The following VPS13A variants were observed in gnomAD, a reference collection of about 807,000 sequenced individuals.
VPS13A encodes the protein vacuolar protein sorting 13 homolog A.
A neutral mutation model predicts 390.9 loss-of-function variants in VPS13A; 264 were observed. The ratio of observed to expected loss-of-function variants is 0.68; its 90% CI spans 0.61 to 0.75. The LOEUF (loss-of-function observed/expected upper bound fraction) is 0.75, where lower values mean the gene tolerates loss of function less well. Among genes scored for constraint, VPS13A ranks in the 30% least tolerant of loss-of-function variants. VPS13A has a pLI of 0.00. For synonymous variants in VPS13A, 1,231 were observed against 1,227.1 expected (o/e 1.00, Z -0.07); for missense variants, 3,409 against 3,733.9 (o/e 0.91, Z 2.27).
At chr9:77,228,368 A>G (rs1823642211) in intron 17 of VPS13A, 104 bp downstream of exon 17, 2 of 1,145,882 alleles carry the variant, frequency 1.7e-6, no homozygotes, top group South Asian at 3.5e-5. Flanking sequence ...CTATAGTTTC[A>G]TATATCCTTT....
At chr9:77,353,292 C>T in intron 53 of VPS13A, 117 bp from the exon 54 acceptor site, 3 of 730,804 alleles carry the variant, frequency 4.1e-6, no homozygotes, top group Non-Finnish European at 4.6e-6. Flanking sequence ...CCACTAACCC[C>T]ATGAAGTAGG....
At chr9:77,339,086 A>G (rs576672243) in intron 47 of VPS13A, 1 of 202,796 alleles carries the variant, frequency 4.9e-6, no homozygotes, top group Admixed American at 5.4e-5. Context: ...GGGATTGTGG[A>G]GGTAGTAGGG....
chr9:77,315,861 C>T (rs764374168), intron 38 of VPS13A, among the ~76,000 whole-genome samples: 9 of 151,926 alleles, frequency 5.9e-5, no homozygotes, highest in Non-Finnish European at 8.8e-5. Context: ...TAGCTTTTAA[C>T]GTACGGTTTC....
At position 77,356,981 on chromosome 9, in the gene VPS13A, T is replaced by TCATA. The variant is rs1204005183; in HGVS notation, c.7806+120_7806+123dup. On this transcript the variant is annotated intron_variant, in intron 55 of 71. Transcript: ENST00000360280. The stretch of plus-strand genomic sequence containing the variant: ...TTCCTTATAAAACAAAATAATCCTG[T>TCATA]CATACATACCTTGTATAAAATGTTT... 4 of 1,134,998 alleles carry TCATA rather than the reference T, an allele frequency of 3.5e-6. No individual in the cohort carries two copies. In the Admixed American group the frequency reaches 8.1e-5, roughly 23 times the overall value. The allele number at this position is 1,134,998 out of a possible 1,614,324, so 70.3% of individuals were successfully genotyped here.
intron 58 of VPS13A, among the ~76,000 whole-genome samples, chr9:77,359,628 G>T (rs1314899380): frequency 6.6e-6 from 1 of 151,978 alleles, no homozygotes; most frequent in Non-Finnish European, 1.5e-5. Context: ...GACCAACCTG[G>T]CCAACACGGT....
At position 77,339,929 on chromosome 9, in the gene VPS13A, T is replaced by G. The variant is rs759430080; in HGVS notation, c.6774+18T>G. ...ACAATAAGGTATGCGATGTTTATTC[T>G]GTTTTTCCCTTGTCTTTAGCTACTT... On this transcript the variant is annotated intron_variant, in intron 48 of 71. Transcript: ENST00000360280. 1.2e-6 allele frequency: 2 copies of G among 1,605,642 alleles called. No homozygotes were observed. The highest frequency in any genetic ancestry group is 1.7e-6 in the Non-Finnish European group (2 of 1,179,346).
rs913479051 is a variant in VPS13A, at chr9:77,205,852, A to G, written c.284-126A>G. On this transcript the variant is annotated intron_variant, in intron 4 of 71. Coordinates refer to ENST00000360280, the MANE Select transcript of VPS13A (RefSeq NM_033305.3). ...TGATTCGCCCAGCTTGGCCTCCCAA[A>G]GTGCTGGGATTACAGGCATGAGCCA... 30 of 650,536 alleles carry G rather than the reference A, an allele frequency of 4.6e-5. No individual in the cohort carries two copies. The Admixed American group carries it at 8.7e-4, about 19-fold the overall frequency. The allele number at this position is 650,536 out of a possible 1,614,324, so 40.3% of individuals were successfully genotyped here.
chr9:77,240,478 G>GTTTTTTTTTTTTTTTTTTTT (rs11351060), intron 19 of VPS13A, among the ~76,000 whole-genome samples: 1 of 126,068 alleles, frequency 7.9e-6, no homozygotes, highest in Non-Finnish European at 1.6e-5. Context: ...TTATGTTTTT[G>GTTTTTTTTTTTTTTTTTTTT]TTTTTTTTTT....
At chr9:77,376,846 A>C (rs929734336) in intron 67 of VPS13A, among the ~76,000 whole-genome samples, 1 of 152,190 alleles carries the variant, frequency 6.6e-6, no homozygotes, top group Non-Finnish European at 1.5e-5. Context: ...AAAGAGAAAA[A>C]TAAGGTCCAA....
At chr9:77,228,395 AG>A in intron 17 of VPS13A, 131 bp downstream of exon 17, 1 of 907,120 alleles carries the variant, frequency 1.1e-6, no homozygotes, top group African/African-American at 1.7e-5. Context: ...TTCAGGAAAA[AG>A]GTTTTTTTTT....
chr9:77,187,942 C>T (rs1026951197), intron 1 of VPS13A, among the ~76,000 whole-genome samples: 1 of 152,168 alleles, frequency 6.6e-6, no homozygotes, highest in African/African-American at 2.4e-5. Context: ...AGTTTGAATA[C>T]ATGTCCCCAC....
chr9:77,331,992 T>C lies in VPS13A; in HGVS notation c.5992-18T>C. On this transcript the variant is annotated intron_variant, in intron 45 of 71. Transcript: ENST00000360280. ...CTTAGATTAATGATACTAAATATTATTTGTTTTTCTTTCCCAGATAAGAAA... is the reference window on the plus strand; with the variant it reads ...CTTAGATTAATGATACTAAATATTACTTGTTTTTCTTTCCCAGATAAGAAA... 2.6e-6 allele frequency: 4 copies of C among 1,521,846 alleles called. No individual in the cohort carries two copies. Among genetic ancestry groups the C allele is most frequent in the Non-Finnish European group, 3.6e-6 (4 of 1,096,844 alleles). 94.3% of individuals were successfully genotyped at this position (1,521,846 alleles called of 1,614,324 possible).
chr9:77,269,555 A>T (rs1826235081), intron 23 of VPS13A, among the ~76,000 whole-genome samples: 1 of 152,198 alleles, frequency 6.6e-6, no homozygotes, highest in Non-Finnish European at 1.5e-5. Context: ...ATCAATTTCC[A>T]CAAAAATTCT....
chr9:77,319,797 C>T lies in VPS13A; in HGVS notation c.5415+124C>T, dbSNP rs550613499. ...AGAAGGAACAGAGATTTCCCGTATACCACCTACTTCTGCACATGTATAGCC... is the reference window on the plus strand; with the variant it reads ...AGAAGGAACAGAGATTTCCCGTATATCACCTACTTCTGCACATGTATAGCC... On this transcript the variant is annotated intron_variant, in intron 42 of 71. Transcript: ENST00000360280. The T allele has an allele frequency of 2.9e-5, 16 of 542,784 alleles. No homozygotes were observed. In the Admixed American group the frequency reaches 4.4e-4, roughly 15 times the overall value. The allele number at this position is 542,784 out of a possible 1,614,324, so 33.6% of individuals were successfully genotyped here. A position where few individuals can be genotyped will look rare whatever the true frequency, so the allele number is the denominator to read the frequency against.
intron 47 of VPS13A, chr9:77,338,278 A>C (rs368105974): frequency 6.6e-6 from 1 of 152,156 alleles, no homozygotes; most frequent in African/African-American, 2.4e-5. Context: ...AGCCGTTTAC[A>C]CTTTTCTGAT....
chr9:77,179,813 A>G (rs1029149769), intron 1 of VPS13A, among the ~76,000 whole-genome samples: 1 of 151,660 alleles, frequency 6.6e-6, no homozygotes, highest in Non-Finnish European at 1.5e-5. Context: ...ATTCCGGAAT[A>G]TTTCAGCACC....
chr9:77,179,541 T>C lies in VPS13A; in HGVS notation c.100+1737T>C, dbSNP rs369392794. On this transcript the variant is annotated intron_variant, in intron 1 of 71. Transcript: ENST00000360280. ...ACTGCGCCCGCCTGACTGTAAGTAT[T>C]TATCTGTTTGCTGGTTGAAGAATAT... Among the ~76,000 whole-genome samples, 6 of 152,298 alleles carry C rather than the reference T, an allele frequency of 3.9e-5. No homozygotes were observed. The South Asian group carries it at 1.2e-3, about 32-fold the overall frequency.
At chr9:77,184,554 G>T (rs1824215866) in intron 1 of VPS13A, among the ~76,000 whole-genome samples, 1 of 152,180 alleles carries the variant, frequency 6.6e-6, no homozygotes, top group East Asian at 1.9e-4. Flanking sequence ...GGGAGGCGGA[G>T]GTTGCAGTGA....
At chr9:77,389,889 G>A (rs79725705) in intron 68 of VPS13A, 2,477 of 156,064 alleles carry the variant, frequency 0.016, 65 homozygotes, top group African/African-American at 0.055. Context: ...TATAACTGCC[G>A]TCATGTAAGT....
Sources: allele counts gnomAD v4.1 joint callset (sites outside exome capture counted in the v4.1 genomes callset), GRCh38; gene constraint gnomAD v4.1.1; transcripts MANE v1.5; gene names NCBI Gene and HGNC (gene_info 2026-07-23, HGNC 2026-07-21).